Variants in CASD1 observed in about 807,000 individuals in gnomAD.
CASD1 encodes the protein CAS1 domain sialic acid O acetyltransferase 1.
CASD1 carries 41 observed loss-of-function variants against 100.0 expected under a neutral mutation model. The observed-to-expected ratio is 0.41, with a 90% CI of 0.32 to 0.53. The LOEUF is 0.53. Ranked by LOEUF, CASD1 falls within the 20% of genes least tolerant of loss-of-function variation. The pLI is 0.25. For synonymous variants in CASD1, 321 were observed against 315.6 expected (o/e 1.02, Z -0.18); for missense variants, 774 against 948.7 (o/e 0.82, Z 2.42).
intron 3 of CASD1, among the ~76,000 whole-genome samples, chr7:94,520,275 C>G (rs1439531713): frequency 2.0e-5 from 3 of 152,164 alleles, no homozygotes; most frequent in Non-Finnish European, 2.9e-5. Flanking sequence ...CTAGCATAAT[C>G]TGGCATATTA....
At chr7:94,584,924 C>G in the CASD1 span, 6 of 152,344 alleles carry the variant, frequency 3.9e-5, no homozygotes, top group African/African-American at 1.4e-4. Flanking sequence ...CAAGTAAGTA[C>G]GCAGCGTGGG....
the CASD1 span, among the ~76,000 whole-genome samples, chr7:94,569,273 G>A: frequency 6.6e-6 from 1 of 152,142 alleles, no homozygotes; most frequent in Non-Finnish European, 1.5e-5. Flanking sequence ...AATTGTAATT[G>A]ACTGTACAAT....
At chr7:94,552,505 G>C in intron 16 of CASD1, 78 bp downstream of exon 16, 1 of 1,030,888 alleles carries the variant, frequency 9.7e-7, no homozygotes, top group African/African-American at 1.6e-5. Context: ...AGAGATTTGA[G>C]ATTGAACTCC....
In CASD1 at chr7:94,510,000, G is replaced by C. The variant is rs1408685187; in HGVS notation, c.-85G>C. ...GGAGCTGGCGGCCGCTCCTCGCCTG[G>C]CTGCAGCGGCGGCAGCCCCAGTGCT... is the stretch of plus-strand genomic sequence containing the variant. On this transcript the variant is annotated 5_prime_UTR_variant, in exon 1 of 18. Coordinates refer to ENST00000297273, the MANE Select transcript of CASD1 (RefSeq NM_022900.5). The C allele has an allele frequency of 1.5e-6, 2 of 1,291,378 alleles. No homozygotes were observed. Among genetic ancestry groups the C allele is most frequent in the Admixed American group, 6.8e-5 (2 of 29,318 alleles). The allele number at this position is 1,291,378 out of a possible 1,614,324, so 80.0% of individuals were successfully genotyped here. A position where few individuals can be genotyped will look rare whatever the true frequency, so the allele number is the denominator to read the frequency against.
intron 16 of CASD1, chr7:94,553,014 CAT>C (rs1473261059): frequency 4.1e-6 from 1 of 244,278 alleles, no homozygotes; most frequent in African/African-American, 2.3e-5. Context: ...CCAAATCAGA[CAT>C]AGTTCCTACT....
the CASD1 span, among the ~76,000 whole-genome samples, chr7:94,569,328 G>A: frequency 6.6e-6 from 1 of 152,176 alleles, no homozygotes. Flanking sequence ...AGGAATAGTG[G>A]ATTGATGATG....
chr7:94,535,035 C>T (rs570193141), intron 7 of CASD1, among the ~76,000 whole-genome samples: 2 of 152,110 alleles, frequency 1.3e-5, no homozygotes, highest in Non-Finnish European at 2.9e-5. Flanking sequence ...CATGCTGGAG[C>T]ATAAAAATAT....
chr7:94,634,118 TGTTTAG>T, the CASD1 span, among the ~76,000 whole-genome samples: 1 of 152,200 alleles, frequency 6.6e-6, no homozygotes, highest in Non-Finnish European at 1.5e-5. Context: ...GTACCCAGTA[TGTTTAG>T]GTCTCTCTTA....
the CASD1 span, chr7:94,587,888 A>T: frequency 4.0e-5 from 60 of 1,499,320 alleles, no homozygotes; most frequent in Non-Finnish European, 5.1e-5. Flanking sequence ...AATGTGCCTG[A>T]AGTTTTTAAG....
chr7:94,527,131 A>T, intron 3 of CASD1, 31 bp from the exon 4 acceptor site: 1 of 1,546,606 alleles, frequency 6.5e-7, no homozygotes, highest in Non-Finnish European at 8.9e-7. Context: ...TAATCTATAC[A>T]TTAATATTTC....
chr7:94,629,685 G>C, the CASD1 span: 1 of 1,607,724 alleles, frequency 6.2e-7, no homozygotes, highest in South Asian at 1.1e-5. Flanking sequence ...AATTTAGTAC[G>C]TTAACTGCTT....
intron 8 of CASD1, among the ~76,000 whole-genome samples, chr7:94,536,425 A>G (rs1248668946): frequency 1.3e-5 from 2 of 152,174 alleles, no homozygotes; most frequent in African/African-American, 4.8e-5. Context: ...TTTTTCTCTT[A>G]TTAAGCAGTG....
At position 94,533,688 on chromosome 7, in the gene CASD1, A is replaced by C; in HGVS notation, c.514A>C (p.Lys172Gln). ...TTGTACTTCTTTTTAGTGGTCCATC[A>C]AGATTCACAATGGTAGCAGTGAAGC... is the stretch of plus-strand genomic sequence containing the variant. ...IVAGAATWSI[K>Q]IHNGSSEALS... Residue 172 changes from lysine to glutamine, a missense_variant, in exon 7 of 18, where the codon AAG becomes CAG. Around this residue, in one of 5 missense-constraint regions of CASD1, gnomAD observed 453 missense variants for 532.6 expected, o/e 0.85. Transcript: ENST00000297273. 2 of 1,596,986 alleles carry C rather than the reference A, an allele frequency of 1.3e-6. No individual in the cohort carries two copies. The highest frequency in any genetic ancestry group is 2.3e-5 in the East Asian group (1 of 44,006).
In CASD1 at chr7:94,515,207, C is replaced by A. The variant is rs186744466; in HGVS notation, c.134-2353C>A. ...ACATTTCCTGTCTTTTGACTGGACCCTAGCTGATATGATACAGACACACAT... is the reference window on the plus strand; with the variant it reads ...ACATTTCCTGTCTTTTGACTGGACCATAGCTGATATGATACAGACACACAT... On this transcript the variant is annotated intron_variant, in intron 1 of 17. Coordinates refer to ENST00000297273, the MANE Select transcript of CASD1 (RefSeq NM_022900.5). 1.6e-3 allele frequency among the ~76,000 whole-genome samples: 249 copies of A among 152,160 alleles called. 3 individuals carry two copies. Among genetic ancestry groups the A allele is most frequent in the African/African-American group, 5.7e-3 (235 of 41,514 alleles).
chr7:94,623,237 A>C, the CASD1 span: 1 of 793,760 alleles, frequency 1.3e-6, no homozygotes, highest in South Asian at 1.8e-5. Context: ...GTGGCATTTT[A>C]AAATTCTTGA....
chr7:94,601,129 C>T, the CASD1 span, among the ~76,000 whole-genome samples: 1 of 151,924 alleles, frequency 6.6e-6, no homozygotes, highest in Non-Finnish European at 1.5e-5. Context: ...AACGTGTGTG[C>T]CTATACGTGT....
At chr7:94,591,037 T>G in the CASD1 span, among the ~76,000 whole-genome samples, 3 of 152,182 alleles carry the variant, frequency 2.0e-5, no homozygotes, top group Non-Finnish European at 4.4e-5. Context: ...ACTTAATAAT[T>G]CATCCCGACG....
intron 6 of CASD1, 147 bp downstream of exon 6, chr7:94,533,396 A>G (rs1267891768): frequency 1.1e-5 from 7 of 617,864 alleles, no homozygotes; most frequent in Non-Finnish European, 1.6e-5. Flanking sequence ...GAATTTTAAT[A>G]CAAATACTGG....
At chr7:94,562,275 A>G in the CASD1 span, among the ~76,000 whole-genome samples, 1 of 152,142 alleles carries the variant, frequency 6.6e-6, no homozygotes, top group Non-Finnish European at 1.5e-5. Context: ...TCCTTCTCAT[A>G]TACTTCAGAT....
Sources: gnomAD v4.1 joint callset for allele counts (sites outside exome capture counted in the v4.1 genomes callset) on GRCh38, gnomAD v4.1.1 for gene constraint, gnomAD v4.1.1 regional missense constraint, MANE v1.5 for transcripts, NCBI Gene and HGNC (gene_info 2026-07-23, HGNC 2026-07-21) for gene names.